SRGAP3: variants seen among roughly 807,000 people sequenced by gnomAD.
SRGAP3 encodes SLIT-ROBO Rho GTPase-activating protein 3.
In SRGAP3, 39 loss-of-function variants were observed where a neutral mutation model predicts 121.1. That is an observed-to-expected ratio of 0.32 (90% CI 0.25 to 0.42). The LOEUF (loss-of-function observed/expected upper bound fraction) is 0.42. SRGAP3 is among the 10% of genes least tolerant of loss of function. The probability of loss-of-function intolerance (pLI) is 1.00; values close to 1 mark genes in which losing one functional copy is unlikely to be tolerated. For missense variants in SRGAP3, 1,213 were observed against 1,470.6 expected (o/e 0.82, Z 2.86); for synonymous variants, 601 against 570.0 (o/e 1.05, Z -0.77).
intron 3 of SRGAP3, among the ~76,000 whole-genome samples, chr3:9,312,313 C>A (rs1327363900): frequency 1.3e-5 from 2 of 152,146 alleles, no homozygotes; most frequent in Non-Finnish European, 2.9e-5. Flanking sequence ...CACCACCACG[C>A]CCGGCTAATT....
At chr3:9,111,496 C>A (rs568025606) in intron 2 of SRGAP3, among the ~76,000 whole-genome samples, 2 of 152,254 alleles carry the variant, frequency 1.3e-5, no homozygotes, top group African/African-American at 2.4e-5. Flanking sequence ...GAGTGGGAGG[C>A]AAGGCAGAGG....
intron 3 of SRGAP3, among the ~76,000 whole-genome samples, chr3:9,099,659 T>C (rs1948130090): frequency 6.6e-6 from 1 of 152,228 alleles, no homozygotes; most frequent in Admixed American, 6.5e-5. Flanking sequence ...CTAGGAGTCA[T>C]TCTCCATGTA....
intron 1 of SRGAP3, among the ~76,000 whole-genome samples, chr3:9,332,099 CA>C (rs1955618646): frequency 6.7e-6 from 1 of 149,588 alleles, no homozygotes; most frequent in Admixed American, 6.8e-5. Flanking sequence ...CAATGTGGTA[CA>C]AGCCCTTTCA....
intron 3 of SRGAP3, among the ~76,000 whole-genome samples, chr3:9,275,989 C>T (rs1427614175): frequency 4.0e-5 from 6 of 151,886 alleles, no homozygotes; most frequent in Non-Finnish European, 1.5e-5. Flanking sequence ...CACCTGGAGC[C>T]AGGAGTTTGA....
At chr3:9,159,356 C>T (rs1170910736) in intron 1 of SRGAP3, among the ~76,000 whole-genome samples, 1 of 152,142 alleles carries the variant, frequency 6.6e-6, no homozygotes, top group East Asian at 1.9e-4. Flanking sequence ...AATCACTTAC[C>T]TCCCCCGGCC....
intron 3 of SRGAP3, among the ~76,000 whole-genome samples, chr3:9,284,753 A>G (rs1954737998): frequency 6.7e-6 from 1 of 149,948 alleles, no homozygotes; most frequent in Non-Finnish European, 1.5e-5. Context: ...GGATCACTTG[A>G]GCCTGAGAAG....
intron 14 of SRGAP3, among the ~76,000 whole-genome samples, chr3:9,017,311 C>T (rs1244015932): frequency 1.3e-5 from 2 of 152,030 alleles, no homozygotes; most frequent in Admixed American, 1.3e-4. Context: ...TGTATTTGTA[C>T]ATTTTTTTCT....
chr3:9,147,445 G>C (rs991360392), intron 1 of SRGAP3, among the ~76,000 whole-genome samples: 18 of 152,240 alleles, frequency 1.2e-4, no homozygotes, highest in Admixed American at 5.9e-4. Context: ...ACTGGGAAAC[G>C]GTGGTTGAGT....
intron 18 of SRGAP3, among the ~76,000 whole-genome samples, chr3:9,008,958 C>T (rs1023512846): frequency 2.0e-5 from 3 of 152,166 alleles, no homozygotes; most frequent in Non-Finnish European, 4.4e-5. Flanking sequence ...GAGACCACTG[C>T]ACCGGAAGAT....
At chr3:9,248,527 C>A (rs1355892944) in intron 1 of SRGAP3, among the ~76,000 whole-genome samples, 1 of 152,122 alleles carries the variant, frequency 6.6e-6, no homozygotes, top group East Asian at 1.9e-4. Context: ...GGGCTTTTAC[C>A]ATGGCAGGGA....
intron 3 of SRGAP3, among the ~76,000 whole-genome samples, chr3:9,298,528 T>A (rs1048267013): frequency 1.3e-5 from 2 of 151,848 alleles, no homozygotes; most frequent in African/African-American, 4.8e-5. Flanking sequence ...CCTCCCTGTA[T>A]GCACATGCCC....
chr3:9,275,468 C>T (rs539662221), intron 3 of SRGAP3, among the ~76,000 whole-genome samples: 20 of 152,214 alleles, frequency 1.3e-4, no homozygotes, highest in African/African-American at 4.6e-4. Flanking sequence ...CAAATGTTCA[C>T]CCATGATATG....
chr3:9,105,551 C>T (rs113609173), intron 2 of SRGAP3, among the ~76,000 whole-genome samples: 261 of 152,296 alleles, frequency 1.7e-3, no homozygotes, highest in Middle Eastern at 0.01. Flanking sequence ...AAGAGCATGA[C>T]CTGGGGACTG....
chr3:9,106,187 G>A (rs533798048), intron 2 of SRGAP3, among the ~76,000 whole-genome samples: 21 of 152,256 alleles, frequency 1.4e-4, no homozygotes, highest in Non-Finnish European at 2.9e-4. Context: ...TATCCAGGAA[G>A]GAAGAGAAAG....
At chr3:9,060,488 G>A (rs1161955521) in intron 5 of SRGAP3, 129 bp from the exon 6 acceptor site, 2 of 1,253,606 alleles carry the variant, frequency 1.6e-6, no homozygotes, top group Middle Eastern at 2.7e-4. Context: ...GTGCAGTGGT[G>A]TGATCATAGC....
At chr3:9,175,617 G>A (rs947606011) in intron 1 of SRGAP3, among the ~76,000 whole-genome samples, 1 of 152,204 alleles carries the variant, frequency 6.6e-6, no homozygotes, top group Non-Finnish European at 1.5e-5. Context: ...AGGCAATGAG[G>A]ATGCAGCTTT....
intron 10 of SRGAP3, 88 bp from the exon 11 acceptor site, chr3:9,038,178 G>A (rs1944854514): frequency 1.3e-6 from 2 of 1,523,850 alleles, no homozygotes; most frequent in Admixed American, 1.7e-5. Context: ...AAAATACAAT[G>A]AGTCTTAATT....
intron 1 of SRGAP3, among the ~76,000 whole-genome samples, chr3:9,203,377 T>A (rs952788009): frequency 6.6e-6 from 1 of 152,244 alleles, no homozygotes; most frequent in African/African-American, 2.4e-5. Flanking sequence ...TATCTATACA[T>A]TGATAACTAA....
At chr3:9,279,606 C>T (rs1370705743) in intron 3 of SRGAP3, among the ~76,000 whole-genome samples, 7 of 151,022 alleles carry the variant, frequency 4.6e-5, no homozygotes, top group African/African-American at 1.5e-4. Context: ...CTCAACCTCC[C>T]GGGTTCAAGC....
Sources: allele counts gnomAD v4.1 joint callset (sites outside exome capture counted in the v4.1 genomes callset), GRCh38; gene constraint gnomAD v4.1.1; transcripts MANE v1.5; gene names NCBI Gene and HGNC (gene_info 2026-07-23, HGNC 2026-07-21).